The following NEO1 variants were observed in gnomAD, a reference collection of about 807,000 sequenced individuals.
NEO1 encodes neogenin 1, also known as neogenin.
Under a neutral mutation model 159.7 loss-of-function variants are expected in NEO1, and 63 were observed. The ratio of observed to expected loss-of-function variants is 0.39; its 90% CI spans 0.32 to 0.49. The LOEUF (loss-of-function observed/expected upper bound fraction) is 0.49. Ranked by LOEUF, NEO1 falls within the 20% of genes least tolerant of loss-of-function variation. The pLI is 0.85. For missense variants in NEO1, 1,615 were observed against 1,831.0 expected (o/e 0.88, Z 2.15); for synonymous variants, 633 against 662.0 (o/e 0.96, Z 0.67).
rs539344059 is a variant in NEO1, at chr15:73,171,798, C to T, written c.1016-4605C>T. 2.0e-3 allele frequency among the ~76,000 whole-genome samples: 300 copies of T among 151,836 alleles called. 1 individual carries two copies. Among genetic ancestry groups the T allele is most frequent in the African/African-American group, 7.0e-3 (291 of 41,376 alleles). ...CTGGGACTACAGGCATGAGTCACCACGCCTGGCTAATTTTTGTATTTTTAA... is the reference window on the plus strand; with the variant it reads ...CTGGGACTACAGGCATGAGTCACCATGCCTGGCTAATTTTTGTATTTTTAA... On this transcript the variant is annotated intron_variant, in intron 5 of 28. Coordinates refer to ENST00000261908, the MANE Select transcript of NEO1 (RefSeq NM_002499.4).
intron 8 of NEO1, among the ~76,000 whole-genome samples, chr15:73,238,014 G>A (rs1013258934): frequency 1.3e-5 from 2 of 152,124 alleles, no homozygotes; most frequent in Non-Finnish European, 2.9e-5. Flanking sequence ...CCCAAACTTA[G>A]CCCCTCGGTG....
rs200347336 is a variant in NEO1 at position 73,266,300 on chromosome 15, G to C, written c.2399-16G>C. 81 of 1,589,084 alleles carry C rather than the reference G, an allele frequency of 5.1e-5. No individual in the cohort carries two copies. In the African/African-American group the frequency reaches 1.0e-3, roughly 20 times the overall value. On this transcript the variant is annotated splice_polypyrimidine_tract_variant and intron_variant, in intron 15 of 28. Coordinates refer to ENST00000261908, the MANE Select transcript of NEO1 (RefSeq NM_002499.4). The stretch of plus-strand genomic sequence containing the variant: ...TGTAGTGAGCATTTTTTTAATGTGT[G>C]TTTCTTTTTTTTCAGATCCCAGCTC...
At chr15:73,202,412 CAA>C (rs1350963647) in intron 7 of NEO1, among the ~76,000 whole-genome samples, 2 of 152,146 alleles carry the variant, frequency 1.3e-5, no homozygotes, top group Non-Finnish European at 2.9e-5. Context: ...TAATCTGTAA[CAA>C]AGAGCTGTTT....
chr15:73,084,377 C>T (rs185797200), intron 1 of NEO1, among the ~76,000 whole-genome samples: 1 of 152,308 alleles, frequency 6.6e-6, no homozygotes, highest in East Asian at 1.9e-4. Context: ...TTTTAGATTA[C>T]ACATTTAAGT....
At chr15:73,097,357 CTTT>C (rs34372480) in intron 1 of NEO1, among the ~76,000 whole-genome samples, 3 of 102,956 alleles carry the variant, frequency 2.9e-5, no homozygotes, top group South Asian at 7.1e-4. Flanking sequence ...GTCAGAGCCT[CTTT>C]TTTTTTTTTT....
At chr15:73,098,698 G>C (rs573359072) in intron 1 of NEO1, among the ~76,000 whole-genome samples, 1 of 152,154 alleles carries the variant, frequency 6.6e-6, no homozygotes, top group African/African-American at 2.4e-5. Context: ...TACAAGTAGT[G>C]GTACAGTGAA....
chr15:73,164,637 T>C (rs1262526736), intron 5 of NEO1, among the ~76,000 whole-genome samples: 4 of 152,232 alleles, frequency 2.6e-5, no homozygotes, highest in Admixed American at 2.0e-4. Flanking sequence ...TACCAAAATG[T>C]AAAATACAAA....
At chr15:73,194,645 T>G (rs1341560454) in intron 7 of NEO1, among the ~76,000 whole-genome samples, 2 of 152,158 alleles carry the variant, frequency 1.3e-5, no homozygotes, top group Admixed American at 6.5e-5. Context: ...CACTCTCCAC[T>G]AGGCTGACCC....
At chr15:73,072,202 C>T (rs772226324) in intron 1 of NEO1, among the ~76,000 whole-genome samples, 3 of 151,778 alleles carry the variant, frequency 2.0e-5, no homozygotes, top group Non-Finnish European at 2.9e-5. Flanking sequence ...CTGCCTGCCT[C>T]GGCTTCCCAA....
Position 73,266,377 on chromosome 15 carries a change from C to G in NEO1, c.2460C>G (p.Pro820=), listed in dbSNP as rs2040896271. 6.2e-7 allele frequency: 1 copy of G among 1,613,496 alleles called. No individual in the cohort carries two copies. Among genetic ancestry groups the G allele is most frequent in the Non-Finnish European group, 8.5e-7 (1 of 1,179,770 alleles). ...KAFNNVGEGI[P]LYESAVTRPH... ...TTAATAACGTGGGTGAAGGCATCCC[C>G]CTGTATGAGAGTGCTGTGACCAGGC... Residue 820 remains proline (P), a synonymous_variant, in exon 16 of 29, where the codon CCC becomes CCG. Coordinates refer to ENST00000261908, the MANE Select transcript of NEO1 (RefSeq NM_002499.4).
intron 1 of NEO1, among the ~76,000 whole-genome samples, chr15:73,054,976 A>G (rs1028704432): frequency 6.6e-6 from 1 of 152,172 alleles, no homozygotes; most frequent in African/African-American, 2.4e-5. Flanking sequence ...CATGTTCAGT[A>G]GTAGAAGGTG....
intron 1 of NEO1, among the ~76,000 whole-genome samples, chr15:73,106,501 C>G (rs1221407874): frequency 6.6e-6 from 1 of 152,096 alleles, no homozygotes; most frequent in Non-Finnish European, 1.5e-5. Context: ...TGCAATAAGT[C>G]TTCTAAATCT....
chr15:73,244,979 A>AAAAAAAAAAAAAAAAAAC (rs2039703492), intron 9 of NEO1, among the ~76,000 whole-genome samples: 2 of 141,190 alleles, frequency 1.4e-5, no homozygotes, highest in East Asian at 4.7e-4. Flanking sequence ...AAAAAAAAAA[A>AAAAAAAAAAAAAAAAAAC]AAAACAACAG....
At position 73,136,026 on chromosome 15, in the gene NEO1, A is replaced by G. The variant is rs1488631663; in HGVS notation, c.1014A>G (p.Gln338=). Residue 338 remains glutamine (Q), a splice_region_variant and synonymous_variant, in exon 5 of 29, where the codon CAA becomes CAG. Coordinates refer to ENST00000261908, the MANE Select transcript of NEO1 (RefSeq NM_002499.4). ...TIEAQAELTV[Q]AQPEFLKQPT... is the part of the protein sequence containing the mutation. Reference sequence around the variant, plus strand: ...AAGCTCAAGCAGAGCTTACAGTGCAAGGTATGTAAATATTTACTGTATAAT... The same window carrying G: ...AAGCTCAAGCAGAGCTTACAGTGCAGGGTATGTAAATATTTACTGTATAAT... 2 of 1,596,106 alleles carry G rather than the reference A, an allele frequency of 1.3e-6. No individual in the cohort carries two copies. Among genetic ancestry groups the G allele is most frequent in the African/African-American group, 2.7e-5 (2 of 73,818 alleles).
intron 7 of NEO1, among the ~76,000 whole-genome samples, chr15:73,206,478 G>A (rs2037232542): frequency 6.6e-6 from 1 of 152,070 alleles, no homozygotes; most frequent in Non-Finnish European, 1.5e-5. Context: ...ACTCTTTTTG[G>A]GGAAGGAGGT....
At chr15:73,289,392 C>A (rs1840507015) in intron 25 of NEO1, among the ~76,000 whole-genome samples, 154 bp downstream of exon 25, 1 of 152,148 alleles carries the variant, frequency 6.6e-6, no homozygotes, top group Non-Finnish European at 1.5e-5. Flanking sequence ...CAAACACTTG[C>A]CATATTTTGC....
At chr15:73,221,187 T>C (rs971862453) in intron 7 of NEO1, among the ~76,000 whole-genome samples, 3 of 152,184 alleles carry the variant, frequency 2.0e-5, no homozygotes, top group African/African-American at 7.2e-5. Flanking sequence ...TTGCTAGAGG[T>C]CCACTCCAGA....
chr15:73,191,358 G>A (rs935927418), intron 7 of NEO1, among the ~76,000 whole-genome samples: 1 of 151,652 alleles, frequency 6.6e-6, no homozygotes, highest in African/African-American at 2.4e-5. Flanking sequence ...AACATAGAAA[G>A]ACAGAGTATC....
At chr15:73,054,230 A>G (rs1304035240) in intron 1 of NEO1, among the ~76,000 whole-genome samples, 1 of 152,226 alleles carries the variant, frequency 6.6e-6, no homozygotes, top group African/African-American at 2.4e-5. Flanking sequence ...TCTATTTTAT[A>G]TGGAAATTCA....
Sources: gnomAD v4.1 joint callset for allele counts (sites outside exome capture counted in the v4.1 genomes callset) on GRCh38, gnomAD v4.1.1 for gene constraint, MANE v1.5 for transcripts, NCBI Gene and HGNC (gene_info 2026-07-23, HGNC 2026-07-21) for gene names.